ZFHX3: variants seen among roughly 807,000 people sequenced by gnomAD.
The protein encoded by ZFHX3 is zinc finger homeobox protein 3.
Under a neutral mutation model 279.1 loss-of-function variants are expected in ZFHX3, and 42 were observed. That is an observed-to-expected ratio of 0.15 (90% CI 0.12 to 0.19). The LOEUF (loss-of-function observed/expected upper bound fraction) is 0.19, where lower values mean the gene tolerates loss of function less well. Ranked by LOEUF, ZFHX3 falls within the 10% of genes least tolerant of loss-of-function variation. ZFHX3 has a pLI of 1.00. For missense variants in ZFHX3, 4,981 were observed against 4,754.0 expected (o/e 1.05, Z -1.40); for synonymous variants, 2,293 against 1,957.8 (o/e 1.17, Z -4.52).
chr16:72,927,640 G>A (rs935143543), intron 3 of ZFHX3, among the ~76,000 whole-genome samples: 2 of 152,130 alleles, frequency 1.3e-5, no homozygotes, highest in African/African-American at 2.4e-5. Flanking sequence ...ATGGCACTGG[G>A]GCTGGCAGCA....
intron 3 of ZFHX3, among the ~76,000 whole-genome samples, chr16:73,357,385 C>T (rs1161350443): frequency 2.0e-5 from 3 of 152,186 alleles, no homozygotes; most frequent in South Asian, 4.1e-4. Context: ...GCAATGGTAA[C>T]GTCTTCTGGG....
rs527634876 is a variant in ZFHX3, at chr16:72,887,420, A to G, written c.3448+2311T>C. ...TCTACATGGCTCAGCTGCGATTAAT[A>G]TTTATAGTTATAATAATGAAAACAC... On this transcript the variant is annotated intron_variant, in intron 4 of 9. Transcript: ENST00000268489. Among the ~76,000 whole-genome samples, 3 of 152,356 alleles carry G rather than the reference A, an allele frequency of 2.0e-5. No individual in the cohort carries two copies. In the East Asian group the frequency reaches 5.8e-4, roughly 29 times the overall value.
intron 3 of ZFHX3, among the ~76,000 whole-genome samples, chr16:73,349,656 CCTTCCCTCTCTCCCT>C (rs2016192304): frequency 1.4e-4 from 2 of 14,458 alleles, no homozygotes; most frequent in Non-Finnish European, 4.3e-4. Flanking sequence ...CTCTCTCCCT[CCTTCCCTCTCTCCCT>C]CCTTCCCTCT....
At chr16:73,236,287 T>C (rs1472377920) in intron 5 of ZFHX3, among the ~76,000 whole-genome samples, 1 of 152,210 alleles carries the variant, frequency 6.6e-6, no homozygotes, top group Non-Finnish European at 1.5e-5. Flanking sequence ...CATGATGTAA[T>C]GCCATCTTTC....
chr16:73,361,150 A>T (rs866074156), intron 3 of ZFHX3, among the ~76,000 whole-genome samples: 4 of 152,210 alleles, frequency 2.6e-5, no homozygotes, highest in South Asian at 2.1e-4. Flanking sequence ...TGGAATAACT[A>T]AAGGACTCCG....
intron 2 of ZFHX3, chr16:73,483,485 G>A (rs1003615557): frequency 2.1e-5 from 9 of 426,814 alleles, no homozygotes; most frequent in African/African-American, 6.2e-5. Flanking sequence ...TCAAATGGCA[G>A]TTCCGTCAGC....
intron 4 of ZFHX3, among the ~76,000 whole-genome samples, chr16:72,887,558 G>T (rs1295603232): frequency 6.6e-6 from 1 of 151,792 alleles, no homozygotes; most frequent in Non-Finnish European, 1.5e-5. Context: ...GTTGTGTGGG[G>T]GGTGCAGGAG....
intron 1 of ZFHX3, among the ~76,000 whole-genome samples, chr16:73,832,729 G>C (rs1476170382): frequency 5.9e-5 from 9 of 151,910 alleles, no homozygotes; most frequent in Non-Finnish European, 1.2e-4. Flanking sequence ...CCTTTTAAAG[G>C]TTTTATTCAG....
chr16:73,046,863 T>A (rs988867684), intron 1 of ZFHX3, among the ~76,000 whole-genome samples: 5 of 134,418 alleles, frequency 3.7e-5, no homozygotes, highest in Non-Finnish European at 7.8e-5. Flanking sequence ...TCAGTGGCTT[T>A]AGGGAGTCTT....
intron 2 of ZFHX3, among the ~76,000 whole-genome samples, chr16:73,602,959 C>T (rs775629119): frequency 5.6e-4 from 79 of 141,366 alleles, no homozygotes; most frequent in Non-Finnish European, 9.1e-4. Flanking sequence ...AAATCACCAT[C>T]TGATAGCCTT....
chr16:72,812,041 A>G lies in ZFHX3; in HGVS notation c.3530-3T>C, dbSNP rs1361042864. 6.2e-7 allele frequency: 1 copy of G among 1,613,978 alleles called. No individual in the cohort carries two copies. Among genetic ancestry groups the G allele is most frequent in the Non-Finnish European group, 8.5e-7 (1 of 1,179,936 alleles). ...CTTCTCTGCTTGGCTGGACGATGCT[A>G]AAAGAGAAAGTAGAAGATGCAATAC... On this transcript the variant is annotated splice_region_variant and splice_polypyrimidine_tract_variant and intron_variant, in intron 5 of 9. Transcript: ENST00000268489.
At chr16:73,784,796 A>AAATATATATAT (rs56734827) in intron 1 of ZFHX3, among the ~76,000 whole-genome samples, 3 of 131,080 alleles carry the variant, frequency 2.3e-5, no homozygotes, top group Non-Finnish European at 4.8e-5. Context: ...TAAAAAAAAA[A>AAATATATATAT]ATATATATAT....
chr16:73,588,701 A>C (rs966177445), intron 2 of ZFHX3, among the ~76,000 whole-genome samples: 4 of 142,884 alleles, frequency 2.8e-5, no homozygotes, highest in Admixed American at 6.8e-5. Context: ...AAAACAAAAA[A>C]CAAAACAAAA....
chr16:73,645,044 G>C (rs1253702447), intron 2 of ZFHX3, among the ~76,000 whole-genome samples: 1 of 152,174 alleles, frequency 6.6e-6, no homozygotes, highest in Non-Finnish European at 1.5e-5. Context: ...GCAGGAGAGA[G>C]GAATGGGGTC....
At chr16:73,629,524 G>A (rs1264433912) in intron 2 of ZFHX3, among the ~76,000 whole-genome samples, 2 of 152,010 alleles carry the variant, frequency 1.3e-5, no homozygotes, top group Non-Finnish European at 2.9e-5. Flanking sequence ...GTTTTCCAAG[G>A]CACCAAAGAA....
chr16:73,555,095 G>A (rs1001038108), intron 2 of ZFHX3, among the ~76,000 whole-genome samples: 5 of 152,086 alleles, frequency 3.3e-5, no homozygotes, highest in African/African-American at 2.4e-5. Context: ...TGAAGGGAGC[G>A]GGAGGTGGGG....
At chr16:73,596,613 T>C (rs1466940142) in intron 2 of ZFHX3, among the ~76,000 whole-genome samples, 1 of 152,134 alleles carries the variant, frequency 6.6e-6, no homozygotes, top group African/African-American at 2.4e-5. Flanking sequence ...TGTGCTCCCA[T>C]CTCAGCTTTA....
chr16:73,201,769 A>G (rs927954376), intron 5 of ZFHX3, among the ~76,000 whole-genome samples: 2 of 152,246 alleles, frequency 1.3e-5, no homozygotes, highest in East Asian at 3.9e-4. Context: ...GTAATGCTGA[A>G]TTACATGAAA....
At chr16:73,416,698 C>T (rs947947115) in intron 3 of ZFHX3, among the ~76,000 whole-genome samples, 5 of 151,042 alleles carry the variant, frequency 3.3e-5, no homozygotes, top group Non-Finnish European at 5.9e-5. Flanking sequence ...ATGGTGAAAC[C>T]CCCGTCTCTA....
Sources: allele counts gnomAD v4.1 joint callset (sites outside exome capture counted in the v4.1 genomes callset), GRCh38; gene constraint gnomAD v4.1.1; transcripts MANE v1.5; gene names NCBI Gene and HGNC (gene_info 2026-07-23, HGNC 2026-07-21).